The following DNAH5 variants were observed in gnomAD, a reference collection of about 807,000 sequenced individuals.
DNAH5 encodes the protein axonemal beta dynein heavy chain 5.
Under a neutral mutation model 518.2 loss-of-function variants are expected in DNAH5, and 372 were observed. The observed-to-expected ratio is 0.72, with a 90% CI of 0.66 to 0.78. DNAH5 has a LOEUF of 0.78. Ranked by LOEUF, DNAH5 falls within the 30% of genes least tolerant of loss-of-function variation. The pLI is 0.00. For missense variants in DNAH5, 5,523 were observed against 5,687.0 expected, an observed-to-expected ratio of 0.97 and a Z score of 0.93; for synonymous variants, 2,039 against 2,025.9, an observed-to-expected ratio of 1.01 and a Z score of -0.17.
chr5:13,771,995 C>T (rs1442005270), intron 55 of DNAH5, among the ~76,000 whole-genome samples: 4 of 152,128 alleles, frequency 2.6e-5, no homozygotes, highest in Non-Finnish European at 4.4e-5. Flanking sequence ...GACAATTCAT[C>T]GGCTTCATTA....
chr5:13,948,825 T>A (rs1288013041), upstream of DNAH5, among the ~76,000 whole-genome samples: 1 of 151,970 alleles, frequency 6.6e-6, no homozygotes, highest in Non-Finnish European at 1.5e-5. Flanking sequence ...CTCCTGGGCA[T>A]GAAGAAATAA....
Position 13,792,224 on chromosome 5 carries a change from A to C in DNAH5, c.8225-7T>G, listed in dbSNP as rs1358005323. The C allele has an allele frequency of 1.2e-6, 2 of 1,607,844 alleles. No individual in the cohort carries two copies. The highest frequency in any genetic ancestry group is 1.7e-6 in the Non-Finnish European group (2 of 1,174,282). On this transcript the variant is annotated splice_region_variant and splice_polypyrimidine_tract_variant and intron_variant, in intron 49 of 78. Transcript: ENST00000265104. ...TGGCCTACCCCAATCACACCTGAAA[A>C]GGGGGAAATTACAGCATTTTGATTA...
rs1470538037 is a variant in DNAH5, at chr5:13,885,995, C to T, written c.2712G>A (p.Glu904=). ...SEEESEKISN[E]NSVNYKNESS... ...TTTCATTTTTGTAATTAACACTATTCTCATTGGATATTTTTTCACTTTCTT... is the reference window on the plus strand; with the variant it reads ...TTTCATTTTTGTAATTAACACTATTTTCATTGGATATTTTTTCACTTTCTT... The change falls in exon 18 of 79, where the codon GAG becomes GAA. Residue 904 remains glutamate, a synonymous_variant. Coordinates refer to ENST00000265104, the MANE Select transcript of DNAH5 (RefSeq NM_001369.3). The T allele has an allele frequency of 6.2e-7, 1 of 1,612,828 alleles. No individual in the cohort carries two copies. The highest frequency in any genetic ancestry group is 8.5e-7 in the Non-Finnish European group (1 of 1,179,812).
chr5:13,961,852 C>G (rs552303063), intron 1 of DNAH5, among the ~76,000 whole-genome samples: 1 of 152,272 alleles, frequency 6.6e-6, no homozygotes, highest in Admixed American at 6.5e-5. Flanking sequence ...TTGATTGATA[C>G]TCTCTCCTGA....
At chr5:13,941,464 T>C (rs1779452836) in intron 1 of DNAH5, among the ~76,000 whole-genome samples, 1 of 152,230 alleles carries the variant, frequency 6.6e-6, no homozygotes, top group South Asian at 2.1e-4. Flanking sequence ...ATCTGCTCTA[T>C]GTGAAATTTG....
At position 13,882,910 on chromosome 5, in the gene DNAH5, C is replaced by A; in HGVS notation, c.3168G>T (p.Leu1056Phe). The A allele has an allele frequency of 6.2e-7, 1 of 1,614,168 alleles. No individual in the cohort carries two copies. The highest frequency in any genetic ancestry group is 8.5e-7 in the Non-Finnish European group (1 of 1,180,010). ...TTCTGCACCCCATACCCACCTTGGA[C>A]AACAGTTCACTGCTCCACTGTCTGA... ...KGVRQWSSELLSKKKIQERKM... is the reference protein window; with the variant it reads ...KGVRQWSSELFSKKKIQERKM... The change falls in exon 20 of 79, where the codon TTG becomes TTT. Residue 1056 changes from leucine (L) to phenylalanine (F), a missense_variant. By Grantham distance (22) the Leu-to-Phe change is conservative. Around this residue, in one of 3 missense-constraint regions of DNAH5, gnomAD observed 5,121 missense variants for 5,223.3 expected, o/e 0.98. Transcript: ENST00000265104.
chr5:13,730,315 T>A (rs1418273244), intron 68 of DNAH5, among the ~76,000 whole-genome samples: 1 of 152,256 alleles, frequency 6.6e-6, no homozygotes, highest in Non-Finnish European at 1.5e-5. Context: ...TGAGCAATCG[T>A]TATTTTAAGA....
At chr5:13,930,943 C>G (rs1778355070) in intron 2 of DNAH5, among the ~76,000 whole-genome samples, 167 bp downstream of exon 2, 1 of 152,164 alleles carries the variant, frequency 6.6e-6, no homozygotes, top group African/African-American at 2.4e-5. Flanking sequence ...AGCTGGAGAG[C>G]CTTAAGCTCA....
intron 62 of DNAH5, 125 bp downstream of exon 62, chr5:13,754,078 G>C: frequency 9.0e-7 from 1 of 1,105,790 alleles, no homozygotes; most frequent in Non-Finnish European, 1.4e-6. Context: ...CGCACAATGT[G>C]CGGGTTTGTT....
intron 1 of DNAH5, among the ~76,000 whole-genome samples, chr5:13,933,086 A>G (rs182664356): frequency 1.2e-3 from 189 of 152,360 alleles, no homozygotes; most frequent in African/African-American, 4.4e-3. Context: ...AAACGTCTCC[A>G]GACATTGCCA....
At chr5:13,965,357 AAAT>A (rs1190325487) in intron 1 of DNAH5, among the ~76,000 whole-genome samples, 1 of 152,214 alleles carries the variant, frequency 6.6e-6, no homozygotes, top group African/African-American at 2.4e-5. Context: ...CTTCTAAGTA[AAAT>A]AATATTTTTA....
chr5:13,938,446 T>C (rs1036404958), intron 1 of DNAH5, among the ~76,000 whole-genome samples: 8 of 152,120 alleles, frequency 5.3e-5, no homozygotes, highest in African/African-American at 2.4e-5. Context: ...TATATAGTTA[T>C]AATTGTTCTA....
At chr5:13,939,595 C>T (rs1779272343) in intron 1 of DNAH5, among the ~76,000 whole-genome samples, 1 of 152,116 alleles carries the variant, frequency 6.6e-6, no homozygotes, top group African/African-American at 2.4e-5. Flanking sequence ...GGCCCCGTCT[C>T]CTTTCCCGGC....
chr5:13,713,606 A>G (rs1743909793), intron 75 of DNAH5, among the ~76,000 whole-genome samples: 1 of 151,240 alleles, frequency 6.6e-6, no homozygotes, highest in South Asian at 2.1e-4. Context: ...AAAGCCAATC[A>G]TATGTTCTCA....
chr5:13,874,143 C>T (rs376007344), intron 22 of DNAH5, among the ~76,000 whole-genome samples: 10 of 152,232 alleles, frequency 6.6e-5, no homozygotes, highest in African/African-American at 2.2e-4. Flanking sequence ...ACAAATGATT[C>T]GTTTGCATGA....
intron 30 of DNAH5, among the ~76,000 whole-genome samples, chr5:13,855,579 C>T (rs978037078): frequency 2.6e-5 from 4 of 152,130 alleles, no homozygotes; most frequent in Non-Finnish European, 5.9e-5. Context: ...CAATATTAGT[C>T]AGATCAATGT....
chr5:13,726,386 G>A (rs1745737397), intron 70 of DNAH5, among the ~76,000 whole-genome samples: 1 of 152,254 alleles, frequency 6.6e-6, no homozygotes, highest in Admixed American at 6.5e-5. Flanking sequence ...GAACAGGTAT[G>A]AGGCCATGGC....
chr5:13,937,592 C>G (rs1169975140), intron 1 of DNAH5, among the ~76,000 whole-genome samples: 1 of 151,894 alleles, frequency 6.6e-6, no homozygotes, highest in South Asian at 2.1e-4. Context: ...CGACATCATA[C>G]TGCATATACC....
At chr5:13,942,407 T>C (rs115717260) in intron 1 of DNAH5, among the ~76,000 whole-genome samples, 241 of 152,326 alleles carry the variant, frequency 1.6e-3, no homozygotes, top group African/African-American at 5.2e-3. Context: ...CATTGGTCAT[T>C]TTCGATCATG....
Sources: gnomAD v4.1 joint callset for allele counts (sites outside exome capture counted in the v4.1 genomes callset) on GRCh38, gnomAD v4.1.1 for gene constraint, gnomAD v4.1.1 regional missense constraint, MANE v1.5 for transcripts, NCBI Gene and HGNC (gene_info 2026-07-23, HGNC 2026-07-21) for gene names.